Variants in MACROD2 observed in about 807,000 individuals in gnomAD.
The protein encoded by MACROD2 is mono-ADP ribosylhydrolase 2, also known as ADP-ribose glycohydrolase MACROD2.
In MACROD2, 36 loss-of-function variants were observed where a neutral mutation model predicts 70.4. That is an observed-to-expected ratio of 0.51 (90% CI 0.39 to 0.68). MACROD2 has a LOEUF of 0.68. Ranked by LOEUF, MACROD2 falls within the 30% of genes least tolerant of loss-of-function variation. The pLI, the probability that MACROD2 is intolerant of heterozygous loss-of-function variation, is 0.00. For synonymous variants in MACROD2, 172 were observed against 178.8 expected, an observed-to-expected ratio of 0.96 and a Z score of 0.30; for missense variants, 496 against 538.4, an observed-to-expected ratio of 0.92 and a Z score of 0.78.
chr20:15,052,631 C>T (rs2075451650), intron 5 of MACROD2, among the ~76,000 whole-genome samples: 1 of 152,188 alleles, frequency 6.6e-6, no homozygotes, highest in African/African-American at 2.4e-5. Context: ...TGTCATTCCC[C>T]TGTCTGTCTC....
chr20:14,372,324 A>G (rs1051478992), intron 3 of MACROD2, among the ~76,000 whole-genome samples: 6 of 152,186 alleles, frequency 3.9e-5, no homozygotes, highest in African/African-American at 1.4e-4. Context: ...TTAGCAAATT[A>G]TATCTAGTAG....
Position 14,396,271 on chromosome 20 carries a change from T to C in MACROD2, c.272-97208T>C, listed in dbSNP as rs1432504572. On this transcript the variant is annotated intron_variant, in intron 3 of 17. Transcript: ENST00000684519. ...TGATAGTTTTATTCTATATCCTTAC[T>C]GGTTTTTCTCTACTTGTTCTATTAA... 2.0e-5 allele frequency among the ~76,000 whole-genome samples: 3 copies of C among 152,226 alleles called. No individual in the cohort carries two copies. The East Asian group carries it at 5.8e-4, about 29-fold the overall frequency.
At chr20:14,626,221 T>C (rs1279810072) in intron 4 of MACROD2, among the ~76,000 whole-genome samples, 5 of 152,250 alleles carry the variant, frequency 3.3e-5, no homozygotes, top group Middle Eastern at 6.8e-3. Flanking sequence ...GCACATTACA[T>C]TGGATGCTAT....
chr20:15,007,991 G>A (rs1434225822), intron 5 of MACROD2, among the ~76,000 whole-genome samples: 2 of 152,190 alleles, frequency 1.3e-5, no homozygotes, highest in Admixed American at 6.5e-5. Flanking sequence ...CTGTAGTACA[G>A]GAAAGCACAG....
intron 8 of MACROD2, among the ~76,000 whole-genome samples, chr20:15,776,712 A>G (rs1425925291): frequency 6.6e-6 from 1 of 152,182 alleles, no homozygotes; most frequent in Non-Finnish European, 1.5e-5. Flanking sequence ...CCTATTTTCA[A>G]ATCTGCCTAA....
intron 15 of MACROD2, among the ~76,000 whole-genome samples, chr20:16,020,031 C>T (rs1456303555): frequency 6.6e-6 from 1 of 152,204 alleles, no homozygotes; most frequent in Non-Finnish European, 1.5e-5. Context: ...TTCCCACTGC[C>T]AGTCTGTTCC....
chr20:15,066,163 G>A lies in MACROD2; in HGVS notation c.419-163777G>A, dbSNP rs180753088. On this transcript the variant is annotated intron_variant, in intron 5 of 17. Coordinates refer to ENST00000684519, the MANE Select transcript of MACROD2 (RefSeq NM_001351661.2). ...TTTTTATTTTTTGAGATGGAGTCTC[G>A]CTCTGTCACCCAGGCTGGAGTACAA... 5.5e-3 allele frequency among the ~76,000 whole-genome samples: 826 copies of A among 149,118 alleles called. 7 individuals carry two copies. The highest frequency in any genetic ancestry group is 0.019 in the African/African-American group (775 of 40,704).
At chr20:15,313,653 G>A (rs1568714709) in intron 6 of MACROD2, among the ~76,000 whole-genome samples, 1 of 151,820 alleles carries the variant, frequency 6.6e-6, no homozygotes, top group Non-Finnish European at 1.5e-5. Context: ...TTCTCTTAAT[G>A]AACAAGTCAA....
chr20:15,617,547 T>C (rs964577192), intron 8 of MACROD2, among the ~76,000 whole-genome samples: 3 of 152,216 alleles, frequency 2.0e-5, no homozygotes, highest in Admixed American at 6.5e-5. Context: ...TGAATGTGTT[T>C]ATACAGACAG....
chr20:15,385,332 CA>C (rs1433617158), intron 6 of MACROD2, among the ~76,000 whole-genome samples: 1 of 152,122 alleles, frequency 6.6e-6, no homozygotes, highest in Non-Finnish European at 1.5e-5. Flanking sequence ...TCATAGAAAG[CA>C]TTCTCCTGCA....
intron 3 of MACROD2, among the ~76,000 whole-genome samples, chr20:14,226,454 T>C (rs1358973984): frequency 1.3e-5 from 2 of 152,288 alleles, no homozygotes; most frequent in East Asian, 3.9e-4. Context: ...TGTGAGCCCC[T>C]TTCTGGGCTG....
intron 8 of MACROD2, among the ~76,000 whole-genome samples, chr20:15,645,431 A>G (rs190043351): frequency 1.3e-5 from 2 of 152,346 alleles, no homozygotes; most frequent in Admixed American, 6.5e-5. Context: ...GTAGTGAGAC[A>G]TACATTGAAG....
chr20:15,040,289 T>C (rs2075345588), intron 5 of MACROD2, among the ~76,000 whole-genome samples: 1 of 147,020 alleles, frequency 6.8e-6, no homozygotes, highest in Non-Finnish European at 1.5e-5. Flanking sequence ...CACTCCAGCC[T>C]GGGCGACAGA....
intron 7 of MACROD2, among the ~76,000 whole-genome samples, chr20:15,495,686 T>C (rs1209526855): frequency 6.6e-6 from 1 of 152,232 alleles, no homozygotes; most frequent in Non-Finnish European, 1.5e-5. Context: ...TATCCAGTGA[T>C]AAGCAAAGAC....
chr20:15,590,953 G>C (rs1241349108), intron 8 of MACROD2, among the ~76,000 whole-genome samples: 1 of 126,580 alleles, frequency 7.9e-6, no homozygotes, highest in Non-Finnish European at 1.8e-5. Context: ...GAGAAAGAAA[G>C]AAAGAAAAAG....
chr20:15,602,466 G>A (rs2048835297), intron 8 of MACROD2, among the ~76,000 whole-genome samples: 1 of 152,058 alleles, frequency 6.6e-6, no homozygotes, highest in African/African-American at 2.4e-5. Context: ...TTATCTTTCT[G>A]CATGCATATC....
intron 4 of MACROD2, among the ~76,000 whole-genome samples, chr20:14,612,189 T>C (rs766270415): frequency 1.3e-5 from 2 of 152,190 alleles, no homozygotes; most frequent in Non-Finnish European, 2.9e-5. Flanking sequence ...TAACCCAGTC[T>C]TCATTTATCA....
At chr20:15,590,159 A>G (rs1344214372) in intron 8 of MACROD2, among the ~76,000 whole-genome samples, 1 of 152,176 alleles carries the variant, frequency 6.6e-6, no homozygotes, top group Non-Finnish European at 1.5e-5. Context: ...AATTTGTGTT[A>G]TTAATATTGT....
At chr20:14,861,995 ATATATATATT>A (rs2073326156) in intron 5 of MACROD2, among the ~76,000 whole-genome samples, 2 of 28,540 alleles carry the variant, frequency 7.0e-5, no homozygotes, top group Non-Finnish European at 1.3e-4. Context: ...ATATATATTT[ATATATATATT>A]TATATATATA....
Sources: allele counts gnomAD v4.1 joint callset (sites outside exome capture counted in the v4.1 genomes callset), GRCh38; gene constraint gnomAD v4.1.1; transcripts MANE v1.5; gene names NCBI Gene and HGNC (gene_info 2026-07-23, HGNC 2026-07-21).